SEC24D: variants seen among roughly 807,000 people sequenced by gnomAD.
SEC24D encodes the protein protein transport protein Sec24D.
A neutral mutation model predicts 116.9 loss-of-function variants in SEC24D; 69 were observed. The observed-to-expected ratio is 0.59, with a 90% CI of 0.49 to 0.72. The LOEUF (loss-of-function observed/expected upper bound fraction) is 0.72, where lower values mean the gene tolerates loss of function less well. SEC24D is among the 30% of genes least tolerant of loss of function. The pLI is 0.00. For missense variants in SEC24D, 1,131 were observed against 1,264.1 expected, an observed-to-expected ratio of 0.89 and a Z score of 1.60; for synonymous variants, 405 against 442.8, an observed-to-expected ratio of 0.91 and a Z score of 1.07.
At chr4:118,744,628 G>T (rs1436502876) in intron 14 of SEC24D, among the ~76,000 whole-genome samples, 6 of 152,212 alleles carry the variant, frequency 3.9e-5, no homozygotes, top group East Asian at 3.9e-4. Flanking sequence ...GCCAAGGGAA[G>T]AGTTTGTCTA....
At chr4:118,804,925 T>G (rs1022182731) in intron 7 of SEC24D, among the ~76,000 whole-genome samples, 1 of 107,084 alleles carries the variant, frequency 9.3e-6, no homozygotes, top group Non-Finnish European at 2.1e-5. Context: ...CACACACACA[T>G]ATACAAAGAC....
chr4:118,736,846 C>T lies in SEC24D; in HGVS notation c.2496+1415G>A, dbSNP rs546379885. Among the ~76,000 whole-genome samples the T allele has an allele frequency of 5.9e-5, 9 of 152,304 alleles. No individual in the cohort carries two copies. In the South Asian group the frequency reaches 8.3e-4, roughly 14 times the overall value. On this transcript the variant is annotated intron_variant, in intron 19 of 22. Coordinates refer to ENST00000280551, the MANE Select transcript of SEC24D (RefSeq NM_014822.4). Reference sequence around the variant, plus strand: ...ATTTATAATCATAATGTTTTAACTCCGGAAATCATTTAATTGTGCAAACAG... The same window carrying T: ...ATTTATAATCATAATGTTTTAACTCTGGAAATCATTTAATTGTGCAAACAG...
At chr4:118,732,165 G>A (rs1345242930) in intron 20 of SEC24D, among the ~76,000 whole-genome samples, 4 of 151,854 alleles carry the variant, frequency 2.6e-5, no homozygotes, top group Admixed American at 6.6e-5. Context: ...TTTTTGAGAC[G>A]GAGTCTTGCT....
chr4:118,775,012 T>A (rs1488543236), intron 8 of SEC24D, among the ~76,000 whole-genome samples: 3 of 152,304 alleles, frequency 2.0e-5, no homozygotes, highest in African/African-American at 7.2e-5. Context: ...GGACCATGTC[T>A]AAATCTGGCC....
At chr4:118,734,274 C>T (rs371665947) in intron 19 of SEC24D, among the ~76,000 whole-genome samples, 53 of 151,724 alleles carry the variant, frequency 3.5e-4, no homozygotes, top group African/African-American at 1.1e-3. Context: ...AGTGCAGCGG[C>T]GCAATCTCGG....
intron 6 of SEC24D, among the ~76,000 whole-genome samples, chr4:118,810,144 G>C (rs901119926): frequency 6.7e-6 from 1 of 149,334 alleles, no homozygotes; most frequent in South Asian, 2.1e-4. Flanking sequence ...GTGTCAGAGG[G>C]TATAGGGGAG....
chr4:118,805,487 C>T (rs1227619395), intron 7 of SEC24D, among the ~76,000 whole-genome samples: 2 of 152,208 alleles, frequency 1.3e-5, no homozygotes, highest in Non-Finnish European at 2.9e-5. Flanking sequence ...GGTCTGCTAA[C>T]ATCTCAAACA....
At chr4:118,791,158 T>C (rs552467869) in intron 8 of SEC24D, among the ~76,000 whole-genome samples, 25 of 152,260 alleles carry the variant, frequency 1.6e-4, no homozygotes, top group African/African-American at 5.8e-4. Context: ...GTGCCACTTA[T>C]TGATATGTGG....
At chr4:118,748,474 G>A (rs1438702862) in intron 13 of SEC24D, among the ~76,000 whole-genome samples, 2 of 152,070 alleles carry the variant, frequency 1.3e-5, no homozygotes, top group East Asian at 3.9e-4. Context: ...TGTATTAAAT[G>A]TTCTATTCCC....
chr4:118,807,024 A>C (rs1729708611), intron 6 of SEC24D, among the ~76,000 whole-genome samples: 1 of 152,224 alleles, frequency 6.6e-6, no homozygotes, highest in Admixed American at 6.5e-5. Flanking sequence ...TTCAAATAAA[A>C]GAAACTTCTA....
At chr4:118,734,924 A>T (rs930293826) in intron 19 of SEC24D, among the ~76,000 whole-genome samples, 3 of 152,234 alleles carry the variant, frequency 2.0e-5, no homozygotes, top group African/African-American at 7.2e-5. Flanking sequence ...GATCGCCCCG[A>T]TGCTATTTCT....
At chr4:118,818,390 T>C (rs1047010347) in intron 3 of SEC24D, among the ~76,000 whole-genome samples, 2 of 152,220 alleles carry the variant, frequency 1.3e-5, no homozygotes, top group Non-Finnish European at 2.9e-5. Flanking sequence ...TTGCCTGAAG[T>C]CCCACAATTT....
intron 7 of SEC24D, among the ~76,000 whole-genome samples, chr4:118,805,146 G>A (rs1444655521): frequency 6.6e-6 from 1 of 152,166 alleles, no homozygotes; most frequent in Non-Finnish European, 1.5e-5. Flanking sequence ...TCTGAAGGTG[G>A]CACAGAGGAT....
intron 19 of SEC24D, chr4:118,733,165 G>C: frequency 3.5e-6 from 1 of 289,672 alleles, no homozygotes; most frequent in Non-Finnish European, 6.4e-6. Flanking sequence ...CCCACTCACT[G>C]CTTAGGATGC....
intron 2 of SEC24D, among the ~76,000 whole-genome samples, chr4:118,828,161 T>A (rs951799713): frequency 6.6e-6 from 1 of 151,466 alleles, no homozygotes; most frequent in Non-Finnish European, 1.5e-5. Context: ...CAGGCTGGAG[T>A]GCAATGGTGC....
intron 2 of SEC24D, among the ~76,000 whole-genome samples, chr4:118,829,039 C>T (rs990273513): frequency 1.3e-5 from 2 of 152,210 alleles, no homozygotes; most frequent in Non-Finnish European, 2.9e-5. Flanking sequence ...GTTTAGGTGC[C>T]CCTGCCACGT....
intron 10 of SEC24D, among the ~76,000 whole-genome samples, chr4:118,763,489 C>A (rs1469454986): frequency 6.6e-6 from 1 of 152,112 alleles, no homozygotes; most frequent in Non-Finnish European, 1.5e-5. Context: ...GGGAATTGGG[C>A]ATTAGTAGGC....
In SEC24D at chr4:118,738,340, C is replaced by A; in HGVS notation, c.2417G>T (p.Arg806Leu). The A allele has an allele frequency of 6.2e-7, 1 of 1,613,406 alleles. No homozygotes were observed. Among genetic ancestry groups the A allele is most frequent in the East Asian group, 2.2e-5 (1 of 44,838 alleles). The change falls in exon 19 of 23, where the codon CGG (arginine) becomes CTG (leucine). Residue 806 changes from arginine (R) to leucine (L), a missense_variant. Transcript: ENST00000280551. The stretch of plus-strand genomic sequence containing the variant: ...GGCAGTCTGATTAACTAGAATTTCC[C>A]GGATGACCTTCAAAGGCTGGTGGAG... ...AVLHQPLKVI[R>L]EILVNQTAHM...
At chr4:118,723,761 T>C in intron 22 of SEC24D, 106 bp from the exon 23 acceptor site, 1 of 1,235,336 alleles carries the variant, frequency 8.1e-7, no homozygotes, top group Non-Finnish European at 1.1e-6. Flanking sequence ...TGAATGCCCA[T>C]TATGTGTGAG....
Sources: allele counts gnomAD v4.1 joint callset (sites outside exome capture counted in the v4.1 genomes callset), GRCh38; gene constraint gnomAD v4.1.1; transcripts MANE v1.5; gene names NCBI Gene and HGNC (gene_info 2026-07-23, HGNC 2026-07-21).